DPP10: variants seen among roughly 807,000 people sequenced by gnomAD.
DPP10 encodes the protein dipeptidyl peptidase like 10.
DPP10 carries 33 observed loss-of-function variants against 120.9 expected under a neutral mutation model. That is an observed-to-expected ratio of 0.27 (90% CI 0.21 to 0.37). DPP10 has a LOEUF of 0.37. Ranked by LOEUF, DPP10 falls within the 10% of genes least tolerant of loss-of-function variation. DPP10 has a pLI of 1.00. For missense variants in DPP10, 816 were observed against 942.8 expected (o/e 0.87, Z 1.76); for synonymous variants, 337 against 326.1 (o/e 1.03, Z -0.36).
At chr2:114,762,856 A>G (rs921316968) in intron 1 of DPP10, among the ~76,000 whole-genome samples, 3 of 152,244 alleles carry the variant, frequency 2.0e-5, no homozygotes, top group Admixed American at 2.0e-4. Context: ...CTGATAATCT[A>G]ATGTGTTCTG....
At chr2:115,388,623 A>G (rs1251545316) in intron 3 of DPP10, among the ~76,000 whole-genome samples, 1 of 152,192 alleles carries the variant, frequency 6.6e-6, no homozygotes, top group African/African-American at 2.4e-5. Context: ...ATTGTGAGTG[A>G]ACTTGTATCA....
chr2:114,606,228 T>C lies in DPP10; in HGVS notation c.60+163390T>C, dbSNP rs1573775053. ...AGCCTTTAAATAATGAAACAGGATATACTTGAAGGGCCAGCTGTCTTTGTT... is the reference window on the plus strand; with the variant it reads ...AGCCTTTAAATAATGAAACAGGATACACTTGAAGGGCCAGCTGTCTTTGTT... On this transcript the variant is annotated intron_variant, in intron 1 of 25. Coordinates refer to ENST00000410059, the MANE Select transcript of DPP10 (RefSeq NM_020868.6). Among the ~76,000 whole-genome samples the C allele has an allele frequency of 2.0e-5, 3 of 152,132 alleles. No individual in the cohort carries two copies. In the East Asian group the frequency reaches 5.8e-4, roughly 29 times the overall value.
chr2:114,698,803 G>T (rs866889184), intron 1 of DPP10, among the ~76,000 whole-genome samples: 11 of 152,084 alleles, frequency 7.2e-5, no homozygotes, highest in Admixed American at 5.2e-4. Flanking sequence ...ATTTGGAAAG[G>T]GGGGCTTGGT....
At chr2:114,905,681 TG>T (rs1488663666) in intron 1 of DPP10, among the ~76,000 whole-genome samples, 1 of 152,148 alleles carries the variant, frequency 6.6e-6, no homozygotes, top group Admixed American at 6.5e-5. Flanking sequence ...ATCCCATTAC[TG>T]GGTAGGTACC....
At chr2:114,868,727 G>A (rs1308134817) in intron 1 of DPP10, among the ~76,000 whole-genome samples, 4 of 152,126 alleles carry the variant, frequency 2.6e-5, no homozygotes, top group South Asian at 2.1e-4. Flanking sequence ...TTTCAGGGAC[G>A]CTTGTTCTAG....
At chr2:115,067,330 C>T (rs1706944659) in intron 1 of DPP10, among the ~76,000 whole-genome samples, 1 of 151,714 alleles carries the variant, frequency 6.6e-6, no homozygotes, top group South Asian at 2.1e-4. Context: ...CTGCTCACTG[C>T]AAGCTCCGCC....
At chr2:115,808,990 C>T (rs1686332993) in intron 19 of DPP10, among the ~76,000 whole-genome samples, 2 of 152,112 alleles carry the variant, frequency 1.3e-5, no homozygotes, top group South Asian at 4.1e-4. Flanking sequence ...CAACCAAAAG[C>T]TACACTGTAA....
rs35924587 is a variant in DPP10, at chr2:115,791,148, A to T, written c.1599A>T (p.Pro533=). 182 of 1,613,646 alleles carry T rather than the reference A, an allele frequency of 1.1e-4. 3 individuals carry two copies. The African/African-American group carries it at 2.1e-3, about 18-fold the overall frequency. Residue 533 remains proline (P), a synonymous_variant, in exon 18 of 26, where the codon CCA becomes CCT. Transcript: ENST00000410059. ...EAILKKKIGK[P]EIKILHIDDY... is the part of the protein sequence containing the mutation. The stretch of plus-strand genomic sequence containing the variant: ...TCCTGAAGAAGAAGATAGGAAAGCC[A>T]GAAATTAAAATCCTTCATATTGACG...
intron 1 of DPP10, among the ~76,000 whole-genome samples, chr2:114,717,714 C>T (rs1488518404): frequency 1.3e-5 from 2 of 152,102 alleles, no homozygotes; most frequent in African/African-American, 4.8e-5. Context: ...CCCACCAGTA[C>T]CTCCCTTCTA....
intron 1 of DPP10, among the ~76,000 whole-genome samples, chr2:114,730,810 G>C (rs1327917501): frequency 6.6e-6 from 1 of 152,024 alleles, no homozygotes; most frequent in African/African-American, 2.4e-5. Flanking sequence ...GGCTGGTCTT[G>C]AGCTCCTGAT....
intron 1 of DPP10, among the ~76,000 whole-genome samples, chr2:115,231,908 T>C (rs575413147): frequency 3.3e-5 from 5 of 152,290 alleles, no homozygotes; most frequent in Admixed American, 2.6e-4. Flanking sequence ...GAGCACAAAT[T>C]AGAATAGGGC....
Position 114,477,939 on chromosome 2 carries a change from A to ATATATGTACATATATGTGTG in DPP10, c.60+35110_60+35129dup, listed in dbSNP as rs1558795129. ...TATGTGTATATATGTACATATGTGT[A>ATATATGTACATATATGTGTG]TATATGTACATATATGTGTGTATAT... On this transcript the variant is annotated intron_variant, in intron 1 of 25. Coordinates refer to ENST00000410059, the MANE Select transcript of DPP10 (RefSeq NM_020868.6). 1.9e-4 allele frequency among the ~76,000 whole-genome samples: 28 copies of ATATATGTACATATATGTGTG among 150,716 alleles called. 1 individual carries two copies. Among genetic ancestry groups the ATATATGTACATATATGTGTG allele is most frequent in the African/African-American group, 6.9e-4 (28 of 40,872 alleles).
intron 1 of DPP10, among the ~76,000 whole-genome samples, chr2:115,211,168 T>G (rs893963616): frequency 6.6e-6 from 1 of 152,040 alleles, no homozygotes; most frequent in Admixed American, 6.6e-5. Context: ...AATGTATTGT[T>G]TTGCAAAATG....
Position 115,027,451 on chromosome 2 carries a change from G to T in DPP10, c.61-281788G>T, listed in dbSNP as rs191654922. Among the ~76,000 whole-genome samples, 138 of 152,050 alleles carry T rather than the reference G, an allele frequency of 9.1e-4. 3 individuals carry two copies. The highest frequency in any genetic ancestry group is 3.0e-3 in the African/African-American group (125 of 41,504). ...TATATTAGACAATTTTGCATTCTTG[G>T]GATGAATCTCACTTGACTTATTTCA... On this transcript the variant is annotated intron_variant, in intron 1 of 25. Transcript: ENST00000410059.
At chr2:115,554,676 C>T (rs1232608357) in intron 5 of DPP10, among the ~76,000 whole-genome samples, 1 of 152,098 alleles carries the variant, frequency 6.6e-6, no homozygotes, top group East Asian at 1.9e-4. Flanking sequence ...CTTAAGCACA[C>T]ATACACCAAC....
At chr2:115,365,533 T>G (rs1402225615) in intron 3 of DPP10, among the ~76,000 whole-genome samples, 1 of 151,488 alleles carries the variant, frequency 6.6e-6, no homozygotes, top group Non-Finnish European at 1.5e-5. Context: ...TAAGAATTTA[T>G]TTTTTTTTCT....
intron 1 of DPP10, among the ~76,000 whole-genome samples, chr2:114,648,637 T>G (rs1025945392): frequency 6.6e-6 from 1 of 152,246 alleles, no homozygotes; most frequent in African/African-American, 2.4e-5. Context: ...CTAGGGCTTA[T>G]GATGGAGGGA....
At chr2:115,384,452 G>C (rs547185873) in intron 3 of DPP10, among the ~76,000 whole-genome samples, 4 of 47,322 alleles carry the variant, frequency 8.5e-5, no homozygotes, top group South Asian at 6.9e-4. Context: ...GGAGGAAGAA[G>C]AAGAAGGAAG....
intron 5 of DPP10, among the ~76,000 whole-genome samples, chr2:115,645,305 A>G (rs2087143416): frequency 6.6e-6 from 1 of 152,186 alleles, no homozygotes; most frequent in African/African-American, 2.4e-5. Context: ...GAGTTTTGAT[A>G]TAGAGATAGT....
Sources: allele counts gnomAD v4.1 joint callset (sites outside exome capture counted in the v4.1 genomes callset), GRCh38; gene constraint gnomAD v4.1.1; transcripts MANE v1.5; gene names NCBI Gene and HGNC (gene_info 2026-07-23, HGNC 2026-07-21).